Variants in SLC9B2 observed in about 807,000 individuals in gnomAD.
The protein encoded by SLC9B2 is sodium/hydrogen exchanger 9B2.
In SLC9B2, 39 loss-of-function variants were observed where a neutral mutation model predicts 52.2. That is an observed-to-expected ratio of 0.75 (90% CI 0.58 to 0.98). The LOEUF (loss-of-function observed/expected upper bound fraction) is 0.98, where lower values mean the gene tolerates loss of function less well. Ranked by LOEUF, SLC9B2 falls within the 50% of genes least tolerant of loss-of-function variation. SLC9B2 has a pLI of 0.00. For missense variants in SLC9B2, 626 were observed against 637.5 expected, an observed-to-expected ratio of 0.98 and a Z score of 0.19; for synonymous variants, 214 against 227.0, an observed-to-expected ratio of 0.94 and a Z score of 0.51.
intron 7 of SLC9B2, 62 bp from the exon 8 acceptor site, chr4:103,045,058 A>T: frequency 9.7e-7 from 1 of 1,026,772 alleles, no homozygotes; most frequent in Non-Finnish European, 1.5e-6. Context: ...GTTTTATTCC[A>T]CAATCATCAA....
chr4:103,026,421 T>C lies in SLC9B2; in HGVS notation c.1563A>G (p.Glu521=), dbSNP rs779184489. 2.5e-6 allele frequency: 4 copies of C among 1,613,836 alleles called. No homozygotes were observed. Among genetic ancestry groups the C allele is most frequent in the Admixed American group, 1.7e-5 (1 of 59,986 alleles). Reference sequence around the variant, plus strand: ...GAACTTCTTCATCTTTATTTTGATGTTCAACTTTCTGCAGAAGCCTGGGGC... The same window carrying C: ...GAACTTCTTCATCTTTATTTTGATGCTCAACTTTCTGCAGAAGCCTGGGGC... The part of the protein sequence containing the change: ...LLGPRLLQKV[E]HQNKDEEVQG... The change falls in exon 12 of 12, where the codon GAA becomes GAG. Residue 521 remains glutamate (E), a synonymous_variant. Coordinates refer to ENST00000394785, the MANE Select transcript of SLC9B2 (RefSeq NM_178833.7).
At chr4:103,046,083 G>C (rs1167931217) in intron 7 of SLC9B2, among the ~76,000 whole-genome samples, 2 of 152,154 alleles carry the variant, frequency 1.3e-5, no homozygotes, top group Non-Finnish European at 2.9e-5. Flanking sequence ...TGGAAGGCAG[G>C]CTCTGGAGCA....
At chr4:103,058,193 C>A (rs1745323164) in intron 3 of SLC9B2, among the ~76,000 whole-genome samples, 1 of 152,162 alleles carries the variant, frequency 6.6e-6, no homozygotes, top group South Asian at 2.1e-4. Context: ...ATGTGCCCCT[C>A]CCCATCCATC....
intron 7 of SLC9B2, among the ~76,000 whole-genome samples, chr4:103,045,731 C>G (rs962666924): frequency 1.3e-5 from 2 of 152,146 alleles, no homozygotes; most frequent in Non-Finnish European, 2.9e-5. Context: ...CACCATGATT[C>G]TAATGCAAAC....
chr4:103,020,353 T>TACCAAGTGGGAAACAAG, downstream of SLC9B2: 1 of 450,760 alleles, frequency 2.2e-6, no homozygotes, highest in Non-Finnish European at 4.4e-6. Context: ...CTTTGGCCTT[T>TACCAAGTGGGAAACAAG]CAGTCCCAAA....
rs115760926 is a variant in SLC9B2 at position 103,043,305 on chromosome 4, G to T, written c.1137C>A (p.Thr379=). Reference sequence around the variant, plus strand: ...TTAAAATGAAATTCACCTTTTCGCTGGTCCATCCCATGCCTGCAAGGAAAG... The same window carrying T: ...TTAAAATGAAATTCACCTTTTCGCTTGTCCATCCCATGCCTGCAAGGAAAG... The part of the protein sequence containing the change: ...VMAFLAGMGW[T]SEKAEVEKII... The change falls in exon 9 of 12, where the codon ACC becomes ACA. Residue 379 remains threonine (T), a synonymous_variant. Coordinates refer to ENST00000394785, the MANE Select transcript of SLC9B2 (RefSeq NM_178833.7). The T allele has an allele frequency of 4.4e-4, 714 of 1,606,108 alleles. 3 individuals are homozygous for T. In the African/African-American group the frequency reaches 8.3e-3, roughly 19 times the overall value.
intron 5 of SLC9B2, among the ~76,000 whole-genome samples, chr4:103,049,372 T>A (rs1010747917): frequency 6.6e-6 from 1 of 152,224 alleles, no homozygotes; most frequent in African/African-American, 2.4e-5. Context: ...TCATAATCTC[T>A]AGCTAATTTA....
rs1339938145 is a variant in SLC9B2, at chr4:103,028,950, TA to T, written c.1256-68del. On this transcript the variant is annotated intron_variant, in intron 10 of 11. Coordinates refer to ENST00000394785, the MANE Select transcript of SLC9B2 (RefSeq NM_178833.7). ...GAGAGAAACTGCATCTCATGGTTAC[TA>T]ATTCAAAATAACCATCAACAGAAAT... 6 of 1,280,246 alleles carry T rather than the reference TA, an allele frequency of 4.7e-6. No homozygotes were observed. The East Asian group carries it at 1.7e-4, about 35-fold the overall frequency. The allele number at this position is 1,280,246 out of a possible 1,614,324, so 79.3% of individuals were successfully genotyped here.
rs7672707 is a variant in SLC9B2, at chr4:103,050,343, A to G, written c.482T>C (p.Val161Ala). ...LAGFLIRNIP[V>A]INDNVQIKHK... ...CTTGATCTGCACATTATCGTTGATG[A>G]CTGGGATATTTCTGATGAGAAACCC... Residue 161 changes from valine (V) to alanine (A), a missense_variant, in exon 5 of 12, where the codon GTC becomes GCC. Physicochemically the swap from Val to Ala is moderately conservative, Grantham distance 64. Transcript: ENST00000394785. 421 of 1,608,854 alleles carry G rather than the reference A, an allele frequency of 2.6e-4. 3 individuals are homozygous for G. The African/African-American group carries it at 5.2e-3, about 20-fold the overall frequency.
At chr4:103,026,687 C>T in intron 11 of SLC9B2, 96 bp from the exon 12 acceptor site, 2 of 1,145,080 alleles carry the variant, frequency 1.7e-6, no homozygotes, top group South Asian at 3.2e-5. Context: ...ATTGCTTGTT[C>T]TTTTGCTCAA....
rs745628696 is a variant in SLC9B2 at position 103,067,488 on chromosome 4, G to A, written c.63C>T (p.Tyr21=). Residue 21 remains tyrosine, a synonymous_variant, in exon 2 of 12, where the codon TAC becomes TAT. Transcript: ENST00000394785. ...GTGCTTCTTGATGCATGGAGGGCGT[G>A]TAATTCATTCCTGTGGATGGTTCTG... ...EDSEPSTGMN[Y]TPSMHQEAQE... is the part of the protein sequence containing the mutation. The A allele has an allele frequency of 5.0e-6, 8 of 1,613,342 alleles. No individual in the cohort carries two copies. Among genetic ancestry groups the A allele is most frequent in the South Asian group, 2.2e-5 (2 of 91,064 alleles).
chr4:103,061,281 T>C (rs1470165816), intron 3 of SLC9B2, among the ~76,000 whole-genome samples: 1 of 152,078 alleles, frequency 6.6e-6, no homozygotes, highest in African/African-American at 2.4e-5. Flanking sequence ...AATGATAGAC[T>C]GGATTAAGAA....
intron 3 of SLC9B2, among the ~76,000 whole-genome samples, chr4:103,058,336 G>A (rs964625586): frequency 6.6e-6 from 1 of 152,110 alleles, no homozygotes; most frequent in Admixed American, 6.5e-5. Context: ...GTCAATATTT[G>A]TTTAGAATTA....
At chr4:103,033,050 T>C (rs1264990034) in intron 9 of SLC9B2, among the ~76,000 whole-genome samples, 1 of 152,196 alleles carries the variant, frequency 6.6e-6, no homozygotes, top group Non-Finnish European at 1.5e-5. Flanking sequence ...CCAGTTACTA[T>C]TTGATTTCTC....
chr4:103,040,148 G>A (rs1560545426), intron 9 of SLC9B2, among the ~76,000 whole-genome samples: 2 of 152,030 alleles, frequency 1.3e-5, no homozygotes. Context: ...ACTATTATAG[G>A]AGACTGACAG....
intron 9 of SLC9B2, among the ~76,000 whole-genome samples, chr4:103,042,680 A>G (rs1743739620): frequency 6.6e-6 from 1 of 151,636 alleles, no homozygotes; most frequent in African/African-American, 2.4e-5. Context: ...TAATATTGGT[A>G]AAAATATAAA....
At chr4:103,058,859 C>T (rs1364410096) in intron 3 of SLC9B2, among the ~76,000 whole-genome samples, 3 of 151,896 alleles carry the variant, frequency 2.0e-5, no homozygotes, top group Admixed American at 6.6e-5. Context: ...CTCAGGAGTT[C>T]GAAACCAGCC....
chr4:103,023,121 C>T lies in SLC9B2; in HGVS notation c.*3249G>A, dbSNP rs1197200953. On this transcript the variant is annotated 3_prime_UTR_variant, in exon 12 of 12. Transcript: ENST00000394785. ...AAGATAGACTAAGTGGACTAAGATCCGAACTGTCGTGTGGCAAGTAGTTTT... is the reference window on the plus strand; with the variant it reads ...AAGATAGACTAAGTGGACTAAGATCTGAACTGTCGTGTGGCAAGTAGTTTT... Among the ~76,000 whole-genome samples the T allele has an allele frequency of 2.0e-5, 3 of 152,124 alleles. No individual in the cohort carries two copies. The highest frequency in any genetic ancestry group is 4.4e-5 in the Non-Finnish European group (3 of 68,018).
At chr4:103,021,403 G>A (rs757026445), downstream of SLC9B2, among the ~76,000 whole-genome samples, 4 of 151,996 alleles carry the variant, frequency 2.6e-5, no homozygotes, top group South Asian at 2.1e-4. Context: ...GTACATAAAT[G>A]ATTCATATAA....
Sources: gnomAD v4.1 joint callset for allele counts (sites outside exome capture counted in the v4.1 genomes callset) on GRCh38, gnomAD v4.1.1 for gene constraint, MANE v1.5 for transcripts, NCBI Gene and HGNC (gene_info 2026-07-23, HGNC 2026-07-21) for gene names.